Variants in PLCE1 observed in about 807,000 individuals in gnomAD.
PLCE1 encodes 1-phosphatidylinositol 4,5-bisphosphate phosphodiesterase epsilon-1.
PLCE1 carries 119 observed loss-of-function variants against 242.8 expected under a neutral mutation model. The ratio of observed to expected loss-of-function variants is 0.49; its 90% confidence interval spans 0.42 to 0.57. PLCE1 has a LOEUF of 0.57. Ranked by LOEUF, PLCE1 falls within the 20% of genes least tolerant of loss-of-function variation. The pLI is 0.00. For synonymous variants in PLCE1, 945 were observed against 1,017.4 expected, an observed-to-expected ratio of 0.93 and a Z score of 1.35; for missense variants, 2,441 against 2,788.8, an observed-to-expected ratio of 0.88 and a Z score of 2.81.
At chr10:94,003,097 C>T (rs2060962845) in intron 1 of PLCE1, among the ~76,000 whole-genome samples, 2 of 152,138 alleles carry the variant, frequency 1.3e-5, no homozygotes, top group African/African-American at 4.8e-5. Flanking sequence ...GATTCTCCTG[C>T]ACTGTCTAGG....
At position 94,167,159 on chromosome 10, in the gene PLCE1, C is replaced by T. The variant is rs537485446; in HGVS notation, c.1493-4021C>T. 3.3e-5 allele frequency among the ~76,000 whole-genome samples: 5 copies of T among 152,236 alleles called. No homozygotes were observed. In the East Asian group the frequency reaches 9.7e-4, roughly 29 times the overall value. On this transcript the variant is annotated intron_variant, in intron 3 of 32. Transcript: ENST00000371380. ...TACAAATATTAGCTGGGCATGGTGA[C>T]ACACGCCTGTAATCCCAGCTACTTG...
intron 4 of PLCE1, among the ~76,000 whole-genome samples, chr10:94,186,468 A>C (rs2048482396): frequency 6.6e-6 from 1 of 152,242 alleles, no homozygotes; most frequent in African/African-American, 2.4e-5. Flanking sequence ...TATCAAAATA[A>C]TTTTGAATCT....
rs2044354302 is a variant in PLCE1, at chr10:94,071,495, G to GTTTTTTTTTTTTTTTTTTGTT, written c.1206+39261_1206+39262insGTTTTTTTTTTTTTTTTTTTT. ...GTCTGTGTGTGTGTGTTTGGTTTTC[G>GTTTTTTTTTTTTTTTTTTGTT]TTTTTTTTTTTTTTTTTTTTTGAGT... is the stretch of plus-strand genomic sequence containing the variant. On this transcript the variant is annotated intron_variant, in intron 2 of 32. Coordinates refer to ENST00000371380, the MANE Select transcript of PLCE1 (RefSeq NM_016341.4). Among the ~76,000 whole-genome samples the GTTTTTTTTTTTTTTTTTTGTT allele has an allele frequency of 5.6e-4, 47 of 83,304 alleles. 5 individuals carry two copies. The highest frequency in any genetic ancestry group is 2.2e-3 in the African/African-American group (41 of 18,666). The allele number at this position is 83,304 out of a possible 152,430, so 54.7% of individuals were successfully genotyped here. A position where few individuals can be genotyped will look rare whatever the true frequency, so the allele number is the denominator to read the frequency against.
intron 3 of PLCE1, among the ~76,000 whole-genome samples, chr10:94,158,378 G>A (rs2047498156): frequency 6.6e-6 from 1 of 152,088 alleles, no homozygotes; most frequent in Admixed American, 6.5e-5. Context: ...ATAACTTACT[G>A]TGTGAATTTT....
intron 7 of PLCE1, among the ~76,000 whole-genome samples, chr10:94,238,333 G>T (rs924486690): frequency 3.3e-5 from 5 of 152,172 alleles, no homozygotes; most frequent in Admixed American, 3.3e-4. Context: ...ATGTCAATGG[G>T]GTCTTCAAGT....
intron 1 of PLCE1, among the ~76,000 whole-genome samples, chr10:94,018,609 G>C (rs1315613934): frequency 6.6e-6 from 1 of 152,142 alleles, no homozygotes; most frequent in Non-Finnish European, 1.5e-5. Context: ...TTGGTCTGTT[G>C]CACAATTAGT....
rs1233984482 is a variant in PLCE1 at position 94,227,335 on chromosome 10, C to CA, written c.1840dup (p.Thr614AsnfsTer54). 1 of 1,614,082 alleles carries CA rather than the reference C, an allele frequency of 6.2e-7. No individual in the cohort carries two copies. The highest frequency in any genetic ancestry group is 2.2e-5 in the East Asian group (1 of 44,880). On this transcript the variant is annotated frameshift_variant, in exon 5 of 33. Transcript: ENST00000371380. LOFTEE classifies it high-confidence loss of function. ...GCTCCTGGGTGACATGGCTGATCCT[C>CA]ACGGCAGGCTCCATGGAGGAGAAGC... is the stretch of plus-strand genomic sequence containing the variant.
At chr10:94,237,290 A>C (rs554735128) in intron 7 of PLCE1, among the ~76,000 whole-genome samples, 30 of 152,312 alleles carry the variant, frequency 2.0e-4, no homozygotes, top group African/African-American at 7.0e-4. Flanking sequence ...ATGTGGCTTC[A>C]TCTGGGGCTG....
At chr10:94,083,566 C>T (rs1022935002) in intron 2 of PLCE1, among the ~76,000 whole-genome samples, 1 of 152,224 alleles carries the variant, frequency 6.6e-6, no homozygotes, top group Non-Finnish European at 1.5e-5. Flanking sequence ...ATTTGCCCTG[C>T]TGTGCAGCCC....
intron 20 of PLCE1, chr10:94,280,703 T>C (rs986858457): frequency 6.6e-6 from 1 of 152,208 alleles, no homozygotes; most frequent in African/African-American, 2.4e-5. Flanking sequence ...GTAGAATATA[T>C]TCTTTCTATG....
chr10:94,226,834 T>C (rs867805692), intron 4 of PLCE1, among the ~76,000 whole-genome samples: 2,848 of 129,088 alleles, frequency 0.022, 213 homozygotes, highest in African/African-American at 0.033. Flanking sequence ...TATAGGTCTT[T>C]TTTTTTTTTT....
intron 3 of PLCE1, among the ~76,000 whole-genome samples, chr10:94,144,895 G>A (rs978702558): frequency 6.6e-6 from 1 of 152,172 alleles, no homozygotes; most frequent in Non-Finnish European, 1.5e-5. Context: ...CCTAATTTAA[G>A]CCTCATATTT....
chr10:94,084,390 G>A (rs539951732), intron 2 of PLCE1, among the ~76,000 whole-genome samples: 1 of 152,278 alleles, frequency 6.6e-6, no homozygotes, highest in Admixed American at 6.5e-5. Flanking sequence ...GGGTAGGGAA[G>A]AACTGGACTG....
At chr10:94,106,446 G>A (rs1404322719) in intron 2 of PLCE1, among the ~76,000 whole-genome samples, 2 of 152,050 alleles carry the variant, frequency 1.3e-5, no homozygotes, top group Admixed American at 1.3e-4. Context: ...AGTCCCTGTT[G>A]ATGAACACTT....
chr10:94,141,733 A>G (rs1381780903), intron 3 of PLCE1, among the ~76,000 whole-genome samples: 1 of 151,942 alleles, frequency 6.6e-6, no homozygotes, highest in Non-Finnish European at 1.5e-5. Context: ...GGAAAGAAGG[A>G]AGATCGGGTA....
intron 3 of PLCE1, 49 bp downstream of exon 3, chr10:94,132,508 A>G (rs746612721): frequency 6.5e-7 from 1 of 1,548,742 alleles, no homozygotes; most frequent in Admixed American, 1.7e-5. Flanking sequence ...ACTACAGAGA[A>G]GGATCTAAGT....
At chr10:94,315,492 T>C in intron 28 of PLCE1, 2 of 455,974 alleles carry the variant, frequency 4.4e-6, no homozygotes, top group Non-Finnish European at 4.4e-6. Flanking sequence ...GAAAATACAT[T>C]GGTAAAACTA....
At chr10:94,034,687 A>C (rs1379623010) in intron 2 of PLCE1, among the ~76,000 whole-genome samples, 3 of 152,228 alleles carry the variant, frequency 2.0e-5, no homozygotes, top group Middle Eastern at 3.4e-3. Flanking sequence ...ACCTGCTTAC[A>C]CGTCACAGTC....
At chr10:94,069,519 A>C (rs1230631460) in intron 2 of PLCE1, among the ~76,000 whole-genome samples, 1 of 152,214 alleles carries the variant, frequency 6.6e-6, no homozygotes, top group African/African-American at 2.4e-5. Context: ...AGCCTGAGGC[A>C]GGAGAATCAC....
Sources: gnomAD v4.1 joint callset for allele counts (sites outside exome capture counted in the v4.1 genomes callset) on GRCh38, gnomAD v4.1.1 for gene constraint, MANE v1.5 for transcripts, NCBI Gene and HGNC (gene_info 2026-07-23, HGNC 2026-07-21) for gene names.